BMAL2: variants seen among roughly 807,000 people sequenced by gnomAD.
BMAL2 encodes basic helix-loop-helix ARNT-like protein 2.
chr12:27,393,216 A>G, the BMAL2 span, among the ~76,000 whole-genome samples: 1 of 152,200 alleles, frequency 6.6e-6, no homozygotes, highest in South Asian at 2.1e-4. Flanking sequence ...TTGTGGCCTG[A>G]TCTTCCAACC....
the BMAL2 span, among the ~76,000 whole-genome samples, chr12:27,345,721 T>G: frequency 6.6e-6 from 1 of 152,156 alleles, no homozygotes; most frequent in Non-Finnish European, 1.5e-5. Context: ...CAGGCGGGTC[T>G]CCAACTCCTG....
At chr12:27,346,282 G>A in the BMAL2 span, among the ~76,000 whole-genome samples, 5 of 151,986 alleles carry the variant, frequency 3.3e-5, no homozygotes, top group East Asian at 9.7e-4. Flanking sequence ...TTGTTTTGAG[G>A]CGGAGTCTCA....
At chr12:27,400,560 T>C in the BMAL2 span, 1 of 1,613,226 alleles carries the variant, frequency 6.2e-7, no homozygotes, top group Non-Finnish European at 8.5e-7. Context: ...TACTATCCAT[T>C]GCACTGGTTA....
At chr12:27,385,436 C>T in the BMAL2 span, 1 of 1,295,508 alleles carries the variant, frequency 7.7e-7, no homozygotes, top group Non-Finnish European at 1.1e-6. Context: ...AGCATTTTGC[C>T]CTCTCTACTA....
At chr12:27,382,012 CAAGTT>C in the BMAL2 span, among the ~76,000 whole-genome samples, 1 of 152,132 alleles carries the variant, frequency 6.6e-6, no homozygotes, top group African/African-American at 2.4e-5. Flanking sequence ...ATGGTCAAGT[CAAGTT>C]AAGGTGGCTA....
At chr12:27,363,270 C>T in the BMAL2 span, among the ~76,000 whole-genome samples, 1 of 152,142 alleles carries the variant, frequency 6.6e-6, no homozygotes, top group African/African-American at 2.4e-5. Flanking sequence ...TGTTCAATTA[C>T]AAGCAATGTT....
chr12:27,412,576 G>A, the BMAL2 span, among the ~76,000 whole-genome samples: 15 of 152,152 alleles, frequency 9.9e-5, no homozygotes, highest in African/African-American at 3.4e-4. Flanking sequence ...GGCACAATAG[G>A]ATTTCCAGAG....
chr12:27,387,523 A>G, the BMAL2 span, among the ~76,000 whole-genome samples: 2 of 152,200 alleles, frequency 1.3e-5, no homozygotes, highest in African/African-American at 4.8e-5. Flanking sequence ...GACCTTCAGC[A>G]AGTTACTTAA....
the BMAL2 span, among the ~76,000 whole-genome samples, chr12:27,364,878 C>A: frequency 6.6e-6 from 1 of 152,030 alleles, no homozygotes; most frequent in African/African-American, 2.4e-5. Context: ...TCTTTAGATA[C>A]TCTGTATTTT....
chr12:27,371,941 C>G, the BMAL2 span, among the ~76,000 whole-genome samples: 1 of 152,184 alleles, frequency 6.6e-6, no homozygotes, highest in South Asian at 2.1e-4. Flanking sequence ...TTTTCTGGCT[C>G]TATGAATTTG....
chr12:27,359,353 G>A, the BMAL2 span, among the ~76,000 whole-genome samples: 147 of 152,090 alleles, frequency 9.7e-4, no homozygotes, highest in Middle Eastern at 3.2e-3. Context: ...GATGTCTGGG[G>A]TAATAAAGTG....
the BMAL2 span, among the ~76,000 whole-genome samples, chr12:27,366,081 G>A: frequency 5.9e-5 from 9 of 151,848 alleles, no homozygotes; most frequent in Non-Finnish European, 1.3e-4. Context: ...AATTATTTGT[G>A]GGTTTCTTAA....
chr12:27,336,688 C>T, the BMAL2 span, among the ~76,000 whole-genome samples: 63,407 of 151,862 alleles, frequency 0.42, 13,501 homozygotes, highest in Admixed American at 0.5. Flanking sequence ...CGGTGGCTCA[C>T]GCCTGTAATC....
At chr12:27,417,931 T>G in the BMAL2 span, among the ~76,000 whole-genome samples, 1 of 151,912 alleles carries the variant, frequency 6.6e-6, no homozygotes, top group South Asian at 2.1e-4. Flanking sequence ...AGGTGGAGGT[T>G]GCAATGAACC....
At chr12:27,408,847 A>C in the BMAL2 span, among the ~76,000 whole-genome samples, 3 of 152,208 alleles carry the variant, frequency 2.0e-5, no homozygotes, top group Non-Finnish European at 4.4e-5. Context: ...AGAAAACCCC[A>C]TTGTCTCAGC....
At chr12:27,366,808 A>G in the BMAL2 span, among the ~76,000 whole-genome samples, 24 of 152,262 alleles carry the variant, frequency 1.6e-4, no homozygotes, top group Non-Finnish European at 3.2e-4. Context: ...TTCTAACAAT[A>G]GGAGAGTGGT....
At chr12:27,400,876 G>A in the BMAL2 span, 2 of 1,081,134 alleles carry the variant, frequency 1.8e-6, no homozygotes, top group East Asian at 2.5e-5. Flanking sequence ...TCTTTTTTCT[G>A]TTTCAGAACA....
At chr12:27,354,145 T>C in the BMAL2 span, among the ~76,000 whole-genome samples, 1 of 152,110 alleles carries the variant, frequency 6.6e-6, no homozygotes, top group Non-Finnish European at 1.5e-5. Context: ...CTATTCAAAA[T>C]AGCAAATACA....
the BMAL2 span, among the ~76,000 whole-genome samples, chr12:27,348,190 T>C: frequency 6.6e-6 from 1 of 152,214 alleles, no homozygotes; most frequent in Non-Finnish European, 1.5e-5. Context: ...CCTTTTACTT[T>C]CCCCTATAAC....
Sources: gnomAD v4.1 joint callset for allele counts (sites outside exome capture counted in the v4.1 genomes callset) on GRCh38, gnomAD v4.1.1 for gene constraint, MANE v1.5 for transcripts, NCBI Gene and HGNC (gene_info 2026-07-23, HGNC 2026-07-21) for gene names.